Variants in FRMD7 observed in about 807,000 individuals in gnomAD.
The protein encoded by FRMD7 is FERM domain-containing protein 7.
In FRMD7, 14 loss-of-function variants were observed where a neutral mutation model predicts 44.1. That is an observed-to-expected ratio of 0.32 (90% CI 0.21 to 0.50). The LOEUF (loss-of-function observed/expected upper bound fraction) is 0.50. FRMD7 is among the 20% of genes least tolerant of loss of function. The pLI is 0.99. For synonymous variants in FRMD7, 212 were observed against 187.4 expected (o/e 1.13, Z -1.07); for missense variants, 501 against 522.3 (o/e 0.96, Z 0.40).
chrX:132,084,919 C>T (rs1031937236), intron 7 of FRMD7, among the ~76,000 whole-genome samples: 1 of 111,897 alleles, frequency 8.9e-6, no homozygotes, highest in African/African-American at 3.3e-5. Context: ...AAACAATGTC[C>T]TCTTTCTCCT....
At chrX:132,126,879 T>G (rs1354170418) in intron 1 of FRMD7, among the ~76,000 whole-genome samples, 1 of 111,723 alleles carries the variant, frequency 9.0e-6, no homozygotes, top group East Asian at 2.8e-4. Flanking sequence ...AAGCACATGA[T>G]TCAAATAAAA....
In FRMD7 at chrX:132,078,755, G is replaced by A; in HGVS notation, c.1262C>T (p.Pro421Leu). The change falls in exon 12 of 12, where the codon CCT (proline) becomes CTT (leucine). Residue 421 changes from proline (P) to leucine (L), a missense_variant. By Grantham distance (98) the Pro-to-Leu change is moderately conservative. Transcript: ENST00000298542. ...SSSFPFIYMD[P>L]VFNTEPNPNP... ...AGGATTGGGCTCAGTGTTAAAGACA[G>A]GGTCCATATAAATAAAAGGGAAAGA... 2 of 1,210,739 alleles carry A rather than the reference G, an allele frequency of 1.7e-6. No individual in the cohort carries two copies. The highest frequency in any genetic ancestry group is 3.0e-5 in the East Asian group (1 of 33,843).
intron 1 of FRMD7, among the ~76,000 whole-genome samples, chrX:132,106,785 A>C (rs1459459048): frequency 8.9e-6 from 1 of 112,140 alleles, no homozygotes; most frequent in East Asian, 2.8e-4. Flanking sequence ...AAAATCAAAT[A>C]ATGCAAGTTC....
chrX:132,097,256 A>C lies in FRMD7; in HGVS notation c.284+10T>G, dbSNP rs6634867. On this transcript the variant is annotated intron_variant, in intron 4 of 11. Coordinates refer to ENST00000298542, the MANE Select transcript of FRMD7 (RefSeq NM_194277.3). ...AACATCATGCAGAGACACACAGGTA[A>C]TCACTATACCTTGTAAGTTCTTCCC... 180 of 1,111,118 alleles carry C rather than the reference A, an allele frequency of 1.6e-4. 2 individuals are homozygous for C. In the East Asian group the frequency reaches 4.7e-3, roughly 29 times the overall value. The allele number at this position is 1,111,118 out of a possible 1,213,427, so 91.6% of individuals were successfully genotyped here.
In FRMD7 at chrX:132,082,648, C is replaced by T. The variant is rs977414284; in HGVS notation, c.742-122G>A. On this transcript the variant is annotated intron_variant, in intron 8 of 11. Coordinates refer to ENST00000298542, the MANE Select transcript of FRMD7 (RefSeq NM_194277.3). ...GCAGCTTCTGATTTTCCACTTGGCT[C>T]CCTGTAGGTTTCACACCTGCTGAAA... The T allele has an allele frequency of 1.9e-5, 12 of 628,106 alleles. No individual in the cohort carries two copies. The Admixed American group carries it at 2.9e-4, about 15-fold the overall frequency. The allele number at this position is 628,106 out of a possible 1,213,427, so 51.8% of individuals were successfully genotyped here. A position where few individuals can be genotyped will look rare whatever the true frequency, so the allele number is the denominator to read the frequency against.
rs760380992 is a variant in FRMD7 at position 132,084,523 on chromosome X, C to T, written c.708G>A (p.Lys236=). The T allele has an allele frequency of 2.5e-6, 3 of 1,181,540 alleles. No individual in the cohort carries two copies. The highest frequency in any genetic ancestry group is 3.5e-6 in the Non-Finnish European group (3 of 867,873). Residue 236 remains lysine (K), a synonymous_variant, in exon 8 of 12, where the codon AAG becomes AAA. Transcript: ENST00000298542. Reference sequence around the variant, plus strand: ...TGGCATGAAGTTTGATGAGAAAATGCTTTCTCTTAAAACTCAACTTGCGGA... The same window carrying T: ...TGGCATGAAGTTTGATGAGAAAATGTTTTCTCTTAAAACTCAACTTGCGGA... ...AKIRKLSFKR[K]HFLIKLHANI... is the part of the protein sequence containing the mutation.
chrX:132,108,452 C>T (rs766294368), intron 1 of FRMD7, among the ~76,000 whole-genome samples: 1 of 111,718 alleles, frequency 9.0e-6, no homozygotes, highest in Non-Finnish European at 1.9e-5. Context: ...GAGCTTCTAG[C>T]GAGAATATTC....
In FRMD7 at chrX:132,097,334, C is replaced by T. The variant is rs868554183; in HGVS notation, c.216G>A (p.Glu72=). ...ATTTCACCATAAATTTGAAAACAAT[C>T]TCCTTAGGATCTTAAAACACAATAT... The part of the protein sequence containing the change: ...PITKQVKNPK[E]IVFKFMVKFF... Residue 72 remains glutamate (E), a synonymous_variant, in exon 4 of 12, where the codon GAG becomes GAA. Transcript: ENST00000298542. 5.1e-6 allele frequency: 6 copies of T among 1,167,308 alleles called. No homozygotes were observed. The highest frequency in any genetic ancestry group is 2.4e-4 in the Middle Eastern group (1 of 4,247).
intron 3 of FRMD7, among the ~76,000 whole-genome samples, chrX:132,098,657 C>G (rs1928412024): frequency 9.9e-6 from 1 of 101,172 alleles, no homozygotes. Flanking sequence ...TGATAGAAAT[C>G]CGCCTGCCTC....
At chrX:132,108,132 T>C (rs993754134) in intron 1 of FRMD7, among the ~76,000 whole-genome samples, 1 of 111,782 alleles carries the variant, frequency 8.9e-6, no homozygotes, top group African/African-American at 3.3e-5. Flanking sequence ...AGTTGTAAAA[T>C]AGAATTGTCA....
rs1161610547 is a variant in FRMD7, at chrX:132,082,446, G to A, written c.822C>T (p.Tyr274=). ...CTTCCGAAAGCCTGAAGAAAGCATG[G>A]TATTCCACACAAGTCTTCCAGAAAG... is the stretch of plus-strand genomic sequence containing the variant. The part of the protein sequence containing the change: ...CKAFWKTCVE[Y]HAFFRLSEEP... The change falls in exon 9 of 12, where the codon TAC becomes TAT. Residue 274 remains tyrosine, a synonymous_variant. Coordinates refer to ENST00000298542, the MANE Select transcript of FRMD7 (RefSeq NM_194277.3). 1.7e-6 allele frequency: 2 copies of A among 1,208,981 alleles called. No individual in the cohort carries two copies. The highest frequency in any genetic ancestry group is 2.2e-5 in the Admixed American group (1 of 46,087).
rs187055392 is a variant in FRMD7 at position 132,123,330 on chromosome X, C to T, written c.57+4458G>A. On this transcript the variant is annotated intron_variant, in intron 1 of 11. Transcript: ENST00000298542. ...ACATTACCTAATTTGTATTACTCCT[C>T]GCAACAACTCAGCAAGCTAAGGGGA... Among the ~76,000 whole-genome samples, 280 of 111,551 alleles carry T rather than the reference C, an allele frequency of 2.5e-3. 1 individual carries two copies. The highest frequency in any genetic ancestry group is 8.6e-3 in the African/African-American group (264 of 30,698).
At chrX:132,110,383 T>C (rs913476451) in intron 1 of FRMD7, among the ~76,000 whole-genome samples, 2 of 110,523 alleles carry the variant, frequency 1.8e-5, no homozygotes, top group Non-Finnish European at 3.8e-5. Context: ...GAGAGATGGC[T>C]CTGTAATAGG....
At chrX:132,094,510 T>C (rs1249196230) in intron 4 of FRMD7, among the ~76,000 whole-genome samples, 1 of 112,283 alleles carries the variant, frequency 8.9e-6, no homozygotes, top group Non-Finnish European at 1.9e-5. Context: ...GCCAGTAGCA[T>C]ACTGTTTACA....
At chrX:132,102,691 C>A in intron 1 of FRMD7, among the ~76,000 whole-genome samples, 1 of 111,358 alleles carries the variant, frequency 9.0e-6, no homozygotes, top group South Asian at 3.7e-4. Context: ...TTTTCCAACA[C>A]CAAAGAAACA....
At position 132,079,201 on chromosome X, in the gene FRMD7, A is replaced by C. The variant is rs186972786; in HGVS notation, c.1051-235T>G. Among the ~76,000 whole-genome samples the C allele has an allele frequency of 1.5e-4, 17 of 112,356 alleles. No homozygotes were observed. In the East Asian group the frequency reaches 4.7e-3, roughly 31 times the overall value. On this transcript the variant is annotated intron_variant, in intron 11 of 11. Transcript: ENST00000298542. ...CACTATTCTTTCTCAATGCCATCCT[A>C]CTTCCAGACTCTGAGTGTATACACT... is the stretch of plus-strand genomic sequence containing the variant.
intron 1 of FRMD7, among the ~76,000 whole-genome samples, chrX:132,125,857 G>A (rs892127062): frequency 9.0e-6 from 1 of 111,445 alleles, no homozygotes; most frequent in Non-Finnish European, 1.9e-5. Flanking sequence ...GTTCTGGATT[G>A]GAAGTCCAGC....
chrX:132,116,482 C>T (rs181198060), intron 1 of FRMD7, among the ~76,000 whole-genome samples: 48 of 111,964 alleles, frequency 4.3e-4, no homozygotes, highest in Non-Finnish European at 2.6e-4. Context: ...AACTGCTGAC[C>T]CTGTTTTTTA....
rs1438926302 is a variant in FRMD7 at position 132,077,063 on chromosome X, G to A, written c.*809C>T. On this transcript the variant is annotated 3_prime_UTR_variant, in exon 12 of 12. Coordinates refer to ENST00000298542, the MANE Select transcript of FRMD7 (RefSeq NM_194277.3). ...TACAATAACATTCATTTCCTGGCCT[G>A]CATACATGCAAGAAGCTATGACAAA... 1 of 111,784 alleles carries A rather than the reference G, an allele frequency of 8.9e-6. No individual in the cohort carries two copies. Among genetic ancestry groups the A allele is most frequent in the East Asian group, 2.8e-4 (1 of 3,592 alleles). 9.2% of individuals were successfully genotyped at this position (111,784 alleles called of 1,213,427 possible).
Sources: gnomAD v4.1 joint callset for allele counts (sites outside exome capture counted in the v4.1 genomes callset) on GRCh38, gnomAD v4.1.1 for gene constraint, MANE v1.5 for transcripts, NCBI Gene and HGNC (gene_info 2026-07-23, HGNC 2026-07-21) for gene names.